Variants in TMTC2 observed in about 807,000 individuals in gnomAD.
TMTC2 encodes transmembrane O-mannosyltransferase targeting cadherins 2.
Under a neutral mutation model 82.4 loss-of-function variants are expected in TMTC2, and 43 were observed. The observed-to-expected ratio is 0.52, with a 90% confidence interval of 0.41 to 0.67. The LOEUF is 0.67. Ranked by LOEUF, TMTC2 falls within the 30% of genes least tolerant of loss-of-function variation. The pLI is 0.00. For synonymous variants in TMTC2, 408 were observed against 381.9 expected (o/e 1.07, Z -0.80); for missense variants, 919 against 1,012.4 (o/e 0.91, Z 1.25).
chr12:83,069,946 G>A (rs1883053199), intron 11 of TMTC2, among the ~76,000 whole-genome samples: 2 of 152,144 alleles, frequency 1.3e-5, no homozygotes, highest in African/African-American at 4.8e-5. Context: ...TGAAAAGGGT[G>A]TCCTTTCCCC....
intron 1 of TMTC2, among the ~76,000 whole-genome samples, chr12:82,757,236 G>A (rs1363437394): frequency 6.6e-6 from 1 of 152,136 alleles, no homozygotes; most frequent in African/African-American, 2.4e-5. Context: ...TTTGAGAGAG[G>A]CTTAAGGAAG....
Position 82,726,950 on chromosome 12 carries a change from A to G in TMTC2, c.83+39281A>G, listed in dbSNP as rs946917968. 2.6e-5 allele frequency among the ~76,000 whole-genome samples: 4 copies of G among 151,776 alleles called. No individual in the cohort carries two copies. In the East Asian group the frequency reaches 5.8e-4, roughly 22 times the overall value. Reference sequence around the variant, plus strand: ...AGCTCAAATAGAGTACCCTTAACCAATTCTACTGTACTGCCTTTGAATTGC... The same window carrying G: ...AGCTCAAATAGAGTACCCTTAACCAGTTCTACTGTACTGCCTTTGAATTGC... On this transcript the variant is annotated intron_variant, in intron 1 of 11. Transcript: ENST00000321196.
intron 3 of TMTC2, among the ~76,000 whole-genome samples, chr12:82,923,217 A>C (rs529924642): frequency 6.6e-6 from 1 of 152,102 alleles, no homozygotes; most frequent in South Asian, 2.1e-4. Context: ...TGTTGTTATA[A>C]TTTTCATTTC....
chr12:83,036,477 TC>T (rs141065750), intron 9 of TMTC2, among the ~76,000 whole-genome samples: 10,372 of 147,564 alleles, frequency 0.07, 723 homozygotes, highest in East Asian at 0.23. Flanking sequence ...TGTCCCCGAG[TC>T]TTTTTTTTTT....
chr12:83,034,220 T>C (rs895046306), intron 9 of TMTC2, among the ~76,000 whole-genome samples: 1 of 152,102 alleles, frequency 6.6e-6, no homozygotes, highest in African/African-American at 2.4e-5. Context: ...GGATACTCCT[T>C]GAAACAAGGT....
intron 3 of TMTC2, among the ~76,000 whole-genome samples, chr12:82,912,242 A>G (rs1439215562): frequency 2.6e-5 from 4 of 152,224 alleles, no homozygotes; most frequent in African/African-American, 9.6e-5. Flanking sequence ...ATATCAGCTC[A>G]GAGTCAAGTT....
chr12:82,689,140 G>T (rs1201951899), intron 1 of TMTC2, among the ~76,000 whole-genome samples: 1 of 152,172 alleles, frequency 6.6e-6, no homozygotes, highest in Non-Finnish European at 1.5e-5. Context: ...CCAATTTTGT[G>T]TAATGGTGCA....
At chr12:82,711,123 T>G (rs1873598707) in intron 1 of TMTC2, among the ~76,000 whole-genome samples, 1 of 152,038 alleles carries the variant, frequency 6.6e-6, no homozygotes, top group South Asian at 2.1e-4. Context: ...AGGCAGAAAA[T>G]TAAAGTCATT....
chr12:82,796,193 G>A (rs78300984), intron 1 of TMTC2, among the ~76,000 whole-genome samples: 1,664 of 152,154 alleles, frequency 0.011, 35 homozygotes, highest in African/African-American at 0.039. Flanking sequence ...ATTTGTAGCC[G>A]GGACGACCTG....
At chr12:82,912,039 A>C (rs1874696650) in intron 3 of TMTC2, among the ~76,000 whole-genome samples, 1 of 152,246 alleles carries the variant, frequency 6.6e-6, no homozygotes, top group South Asian at 2.1e-4. Context: ...CAATAATACC[A>C]GCTGCCTCTC....
At chr12:82,702,089 A>T (rs1264420587) in intron 1 of TMTC2, among the ~76,000 whole-genome samples, 4 of 152,198 alleles carry the variant, frequency 2.6e-5, no homozygotes, top group Non-Finnish European at 5.9e-5. Context: ...GGGGTTGGTT[A>T]TATTTGCTTA....
At chr12:83,083,290 C>G (rs898796157) in intron 11 of TMTC2, among the ~76,000 whole-genome samples, 1 of 152,198 alleles carries the variant, frequency 6.6e-6, no homozygotes, top group Admixed American at 6.5e-5. Context: ...TTCAAACATA[C>G]TTCTTCCTTA....
At position 82,845,252 on chromosome 12, in the gene TMTC2, AATAT is replaced by A. The variant is rs1555190263; in HGVS notation, c.84-11739_84-11736del. ...AAAAAAAAAAAAAAAAAAAAAAAAAAATATATATATATATATATATATTGAACTA... is the reference window on the plus strand; with the variant it reads ...AAAAAAAAAAAAAAAAAAAAAAAAAAATATATATATATATATATTGAACTA... On this transcript the variant is annotated intron_variant, in intron 1 of 11. Transcript: ENST00000321196. 1.8e-3 allele frequency among the ~76,000 whole-genome samples: 70 copies of A among 38,808 alleles called. 1 individual carries two copies. The highest frequency in any genetic ancestry group is 6.8e-3 in the African/African-American group (67 of 9,794). 25.5% of individuals were successfully genotyped at this position (38,808 alleles called of 152,430 possible). A position where few individuals can be genotyped will look rare whatever the true frequency, so the allele number is the denominator to read the frequency against.
intron 10 of TMTC2, among the ~76,000 whole-genome samples, chr12:83,051,855 G>A: frequency 6.6e-6 from 1 of 152,010 alleles, no homozygotes. Flanking sequence ...CAGATTATCA[G>A]GTTTTTTTGT....
intron 8 of TMTC2, among the ~76,000 whole-genome samples, chr12:83,013,931 A>G (rs775096894): frequency 5.3e-5 from 8 of 152,204 alleles, no homozygotes; most frequent in Non-Finnish European, 1.0e-4. Context: ...CAGTATATAC[A>G]TGAGTTTTCC....
intron 1 of TMTC2, among the ~76,000 whole-genome samples, chr12:82,733,796 C>G (rs117000989): frequency 6.6e-6 from 1 of 152,078 alleles, no homozygotes; most frequent in Non-Finnish European, 1.5e-5. Context: ...GTGTACTTCT[C>G]TATAGATTAT....
At chr12:82,988,166 A>T (rs1466479545) in intron 8 of TMTC2, among the ~76,000 whole-genome samples, 1 of 152,138 alleles carries the variant, frequency 6.6e-6, no homozygotes, top group Non-Finnish European at 1.5e-5. Flanking sequence ...ACTATACAGG[A>T]ACAATAGGAA....
intron 1 of TMTC2, among the ~76,000 whole-genome samples, chr12:82,755,304 C>G (rs1876239598): frequency 6.6e-6 from 1 of 152,134 alleles, no homozygotes; most frequent in African/African-American, 2.4e-5. Context: ...GCATCAATTC[C>G]CATTTTCTTC....
intron 3 of TMTC2, among the ~76,000 whole-genome samples, chr12:82,898,471 G>T (rs1873791018): frequency 6.6e-6 from 1 of 152,202 alleles, no homozygotes; most frequent in South Asian, 2.1e-4. Flanking sequence ...CTAAGCTGCT[G>T]TTACAAAAAG....
Sources: allele counts gnomAD v4.1 joint callset (sites outside exome capture counted in the v4.1 genomes callset), GRCh38; gene constraint gnomAD v4.1.1; transcripts MANE v1.5; gene names NCBI Gene and HGNC (gene_info 2026-07-23, HGNC 2026-07-21).